GALNTL6: variants seen among roughly 807,000 people sequenced by gnomAD.
The protein encoded by GALNTL6 is polypeptide N-acetylgalactosaminyltransferase-like 6.
A neutral mutation model predicts 73.7 loss-of-function variants in GALNTL6; 46 were observed. The ratio of observed to expected loss-of-function variants is 0.62; its 90% confidence interval spans 0.49 to 0.80. The LOEUF (loss-of-function observed/expected upper bound fraction) is 0.80, where lower values mean the gene tolerates loss of function less well. Among genes scored for constraint, GALNTL6 ranks in the 30% least tolerant of loss-of-function variants. GALNTL6 has a pLI of 0.00. For missense variants in GALNTL6, 604 were observed against 755.0 expected, an observed-to-expected ratio of 0.80 and a Z score of 2.34; for synonymous variants, 259 against 263.7, an observed-to-expected ratio of 0.98 and a Z score of 0.17.
At chr4:172,844,236 G>A (rs1743370900) in intron 7 of GALNTL6, among the ~76,000 whole-genome samples, 1 of 152,148 alleles carries the variant, frequency 6.6e-6, no homozygotes, top group South Asian at 2.1e-4. Flanking sequence ...GGTGGGAAGG[G>A]CTGGGAAAGG....
intron 10 of GALNTL6, among the ~76,000 whole-genome samples, chr4:172,980,835 C>T (rs943896165): frequency 1.3e-5 from 2 of 152,172 alleles, no homozygotes; most frequent in African/African-American, 2.4e-5. Flanking sequence ...TCCATTACAC[C>T]ATTAAACAAT....
chr4:172,087,762 G>GA (rs34601793), intron 2 of GALNTL6, among the ~76,000 whole-genome samples: 210 of 139,184 alleles, frequency 1.5e-3, no homozygotes, highest in Middle Eastern at 3.8e-3. Flanking sequence ...ACAAATAGCA[G>GA]AAAAAAAAAA....
At chr4:172,162,670 A>G (rs1476379035) in intron 2 of GALNTL6, among the ~76,000 whole-genome samples, 2 of 152,030 alleles carry the variant, frequency 1.3e-5, no homozygotes, top group African/African-American at 4.8e-5. Context: ...GTGGCTATAG[A>G]TAATTTTGCA....
At chr4:172,025,581 A>G (rs1313786386) in intron 2 of GALNTL6, among the ~76,000 whole-genome samples, 1 of 152,100 alleles carries the variant, frequency 6.6e-6, no homozygotes, top group Non-Finnish European at 1.5e-5. Context: ...CAACTAGCAC[A>G]TGAAGGTTTT....
intron 5 of GALNTL6, among the ~76,000 whole-genome samples, chr4:172,362,184 A>G (rs150109616): frequency 6.6e-6 from 1 of 152,288 alleles, no homozygotes; most frequent in African/African-American, 2.4e-5. Context: ...TACAAAGAGC[A>G]GAGGCACTAT....
chr4:172,817,780 T>A (rs144491648), intron 7 of GALNTL6, among the ~76,000 whole-genome samples: 3 of 152,226 alleles, frequency 2.0e-5, no homozygotes, highest in African/African-American at 7.2e-5. Flanking sequence ...GCATCCAACC[T>A]CTGCAGTAAC....
At chr4:172,539,176 G>A (rs1735459244) in intron 5 of GALNTL6, among the ~76,000 whole-genome samples, 1 of 152,050 alleles carries the variant, frequency 6.6e-6, no homozygotes, top group South Asian at 2.1e-4. Flanking sequence ...TTTTCCTAGG[G>A]TACTTTTTTA....
chr4:172,759,997 C>T (rs376708642), intron 5 of GALNTL6, among the ~76,000 whole-genome samples: 13,952 of 150,390 alleles, frequency 0.093, 862 homozygotes, highest in East Asian at 0.21. Context: ...CCACCGCGCC[C>T]GGCTAATTTT....
chr4:172,177,791 A>ATATATATACACACATATATATGTGTGTG (rs1735075092), intron 2 of GALNTL6, among the ~76,000 whole-genome samples: 28 of 101,736 alleles, frequency 2.8e-4, no homozygotes, highest in Non-Finnish European at 5.1e-4. Context: ...ACACATGTGT[A>ATATATATACACACATATATATGTGTGTG]TATATATACA....
chr4:172,581,940 T>G (rs1737207391), intron 5 of GALNTL6, among the ~76,000 whole-genome samples: 1 of 152,208 alleles, frequency 6.6e-6, no homozygotes, highest in African/African-American at 2.4e-5. Context: ...CTTGGCTTCT[T>G]TGTGACTTCC....
chr4:171,906,719 G>C (rs1035906151), intron 2 of GALNTL6, among the ~76,000 whole-genome samples: 24 of 152,174 alleles, frequency 1.6e-4, no homozygotes, highest in Non-Finnish European at 3.4e-4. Flanking sequence ...CAATATCCTT[G>C]ATGAACATTG....
chr4:172,442,353 G>T lies in GALNTL6; in HGVS notation c.553+93664G>T, dbSNP rs548050378. 2.0e-5 allele frequency among the ~76,000 whole-genome samples: 3 copies of T among 152,174 alleles called. No individual in the cohort carries two copies. In the East Asian group the frequency reaches 5.8e-4, roughly 29 times the overall value. Reference sequence around the variant, plus strand: ...GTATATTTGTTTCTCACTTCTTCTGGGGGGAGTGAAGCCAGCTTGCTTCTG... The same window carrying T: ...GTATATTTGTTTCTCACTTCTTCTGTGGGGAGTGAAGCCAGCTTGCTTCTG... On this transcript the variant is annotated intron_variant, in intron 5 of 12. Transcript: ENST00000506823.
intron 3 of GALNTL6, among the ~76,000 whole-genome samples, chr4:172,294,178 C>G (rs1440387669): frequency 6.6e-6 from 1 of 151,954 alleles, no homozygotes; most frequent in African/African-American, 2.4e-5. Context: ...TTTGTCTTCT[C>G]TCTTGTAGTT....
intron 3 of GALNTL6, among the ~76,000 whole-genome samples, chr4:172,251,313 CT>C (rs1220408268): frequency 2.6e-5 from 4 of 152,094 alleles, no homozygotes; most frequent in Non-Finnish European, 5.9e-5. Context: ...GAGTAATTTG[CT>C]TTACCCAAAG....
At chr4:172,661,334 C>G (rs1284528541) in intron 5 of GALNTL6, among the ~76,000 whole-genome samples, 3 of 152,120 alleles carry the variant, frequency 2.0e-5, no homozygotes, top group African/African-American at 7.2e-5. Context: ...CTGGTCAACT[C>G]CATCAGATTT....
At chr4:172,515,520 A>G (rs1734573877) in intron 5 of GALNTL6, among the ~76,000 whole-genome samples, 1 of 152,226 alleles carries the variant, frequency 6.6e-6, no homozygotes, top group Non-Finnish European at 1.5e-5. Context: ...TTGCCTAGAA[A>G]CAGACTCAGA....
At chr4:172,864,335 T>C (rs1289818619) in intron 7 of GALNTL6, among the ~76,000 whole-genome samples, 4 of 152,158 alleles carry the variant, frequency 2.6e-5, no homozygotes, top group African/African-American at 9.7e-5. Flanking sequence ...TCATCAATGC[T>C]TTCTCCCCTG....
At chr4:172,634,652 A>G (rs1033168930) in intron 5 of GALNTL6, among the ~76,000 whole-genome samples, 1 of 152,196 alleles carries the variant, frequency 6.6e-6, no homozygotes, top group African/African-American at 2.4e-5. Context: ...TTATAGCAGT[A>G]CCTAATCTAA....
chr4:172,563,348 A>G lies in GALNTL6; in HGVS notation c.553+214659A>G, dbSNP rs538948447. Among the ~76,000 whole-genome samples the G allele has an allele frequency of 1.1e-4, 14 of 126,530 alleles. No homozygotes were observed. The South Asian group carries it at 3.5e-3, about 32-fold the overall frequency. The allele number at this position is 126,530 out of a possible 152,430, so 83.0% of individuals were successfully genotyped here. ...CAGGAGCCACGATATGAGGAGCCCA[A>G]AATGACCAACTGTCAATCCCGCCTT... On this transcript the variant is annotated intron_variant, in intron 5 of 12. Coordinates refer to ENST00000506823, the MANE Select transcript of GALNTL6 (RefSeq NM_001034845.3).
Sources: gnomAD v4.1 joint callset for allele counts (sites outside exome capture counted in the v4.1 genomes callset) on GRCh38, gnomAD v4.1.1 for gene constraint, MANE v1.5 for transcripts, NCBI Gene and HGNC (gene_info 2026-07-23, HGNC 2026-07-21) for gene names.